The following IL1RAPL2 variants were observed in gnomAD, a reference collection of about 807,000 sequenced individuals.
The protein encoded by IL1RAPL2 is interleukin 1 receptor accessory protein like 2.
Under a neutral mutation model 44.1 loss-of-function variants are expected in IL1RAPL2, and 3 were observed. The ratio of observed to expected loss-of-function variants is 0.07; its 90% confidence interval spans 0.03 to 0.18. The LOEUF (loss-of-function observed/expected upper bound fraction) is 0.18. IL1RAPL2 is among the 10% of genes least tolerant of loss of function. The pLI is 1.00. For missense variants in IL1RAPL2, 391 were observed against 496.4 expected, an observed-to-expected ratio of 0.79 and a Z score of 2.02; for synonymous variants, 181 against 178.8, an observed-to-expected ratio of 1.01 and a Z score of -0.10.
chrX:104,782,646 C>T (rs1453952581), intron 2 of IL1RAPL2, among the ~76,000 whole-genome samples: 1 of 111,162 alleles, frequency 9.0e-6, no homozygotes, highest in East Asian at 2.8e-4. Context: ...TGTAAATATT[C>T]ATCAGCTCAG....
At chrX:105,299,063 G>A (rs2034675976) in intron 5 of IL1RAPL2, among the ~76,000 whole-genome samples, 1 of 111,684 alleles carries the variant, frequency 9.0e-6, no homozygotes, top group Non-Finnish European at 1.9e-5. Context: ...TGGAGAAATC[G>A]AGGAGTTAGC....
intron 2 of IL1RAPL2, among the ~76,000 whole-genome samples, chrX:105,188,996 G>GT (rs1157756196): frequency 8.9e-6 from 1 of 112,023 alleles, no homozygotes; most frequent in Non-Finnish European, 1.9e-5. Flanking sequence ...TGCCTGTGGA[G>GT]TGCCCATTTG....
intron 6 of IL1RAPL2, among the ~76,000 whole-genome samples, chrX:105,525,522 A>C (rs192949981): frequency 1.3e-4 from 15 of 111,534 alleles, no homozygotes; most frequent in African/African-American, 4.9e-4. Context: ...TAAGGTAATT[A>C]CAAATAACAT....
chrX:105,503,207 C>T (rs2036408206), intron 6 of IL1RAPL2, among the ~76,000 whole-genome samples: 1 of 111,303 alleles, frequency 9.0e-6, no homozygotes, highest in Non-Finnish European at 1.9e-5. Flanking sequence ...TCTCTAGGAA[C>T]ATTCTGGATC....
At chrX:105,285,592 A>T (rs1413219612) in intron 5 of IL1RAPL2, among the ~76,000 whole-genome samples, 4 of 111,523 alleles carry the variant, frequency 3.6e-5, no homozygotes, top group Non-Finnish European at 7.5e-5. Flanking sequence ...AGAAGCCTGG[A>T]GAGATTAATT....
intron 5 of IL1RAPL2, among the ~76,000 whole-genome samples, chrX:105,416,806 G>T (rs1410411145): frequency 1.8e-5 from 2 of 111,830 alleles, no homozygotes; most frequent in Admixed American, 9.5e-5. Flanking sequence ...AAAGAGACTT[G>T]CGGGGTTAAC....
chrX:104,889,544 C>G (rs1057448957), intron 2 of IL1RAPL2, among the ~76,000 whole-genome samples: 2 of 111,763 alleles, frequency 1.8e-5, no homozygotes, highest in Non-Finnish European at 3.8e-5. Context: ...CAGGCACCTG[C>G]ACCTTAGTCT....
At chrX:105,472,800 G>C (rs755912168) in intron 5 of IL1RAPL2, among the ~76,000 whole-genome samples, 1 of 112,036 alleles carries the variant, frequency 8.9e-6, no homozygotes, top group South Asian at 3.7e-4. Context: ...CTAAGAGCCA[G>C]GTCCTGACTT....
chrX:105,739,134 A>G (rs1268972384), intron 7 of IL1RAPL2, among the ~76,000 whole-genome samples: 1 of 110,918 alleles, frequency 9.0e-6, no homozygotes, highest in Non-Finnish European at 1.9e-5. Flanking sequence ...ACTACTGTCA[A>G]AACTCTAACC....
intron 2 of IL1RAPL2, among the ~76,000 whole-genome samples, chrX:104,815,068 T>C (rs1260056745): frequency 8.9e-6 from 1 of 112,220 alleles, no homozygotes; most frequent in Non-Finnish European, 1.9e-5. Context: ...TGTGCTTGTA[T>C]AACAAAGATG....
intron 2 of IL1RAPL2, among the ~76,000 whole-genome samples, chrX:105,101,020 G>C (rs758649285): frequency 5.3e-5 from 6 of 112,439 alleles, no homozygotes; most frequent in African/African-American, 1.6e-4. Context: ...TCACATAGAG[G>C]GGAACATTAC....
chrX:105,349,415 G>A (rs2035135813), intron 5 of IL1RAPL2, among the ~76,000 whole-genome samples: 1 of 111,650 alleles, frequency 9.0e-6, no homozygotes, highest in Non-Finnish European at 1.9e-5. Context: ...AATTTCTGGG[G>A]AATATCATGA....
intron 5 of IL1RAPL2, among the ~76,000 whole-genome samples, chrX:105,427,035 A>G (rs2035816030): frequency 8.9e-6 from 1 of 112,876 alleles, no homozygotes; most frequent in South Asian, 3.6e-4. Flanking sequence ...TTTGTTGTAA[A>G]TACACCACAC....
At position 105,417,035 on chromosome X, in the gene IL1RAPL2, A is replaced by G. The variant is rs554565600; in HGVS notation, c.698-67278A>G. Among the ~76,000 whole-genome samples, 9 of 112,265 alleles carry G rather than the reference A, an allele frequency of 8.0e-5. No homozygotes were observed. In the Admixed American group the frequency reaches 8.5e-4, roughly 11 times the overall value. On this transcript the variant is annotated intron_variant, in intron 5 of 10. Coordinates refer to ENST00000372582, the MANE Select transcript of IL1RAPL2 (RefSeq NM_017416.2). The stretch of plus-strand genomic sequence containing the variant: ...ACCTTTTCTCCTTTCTTCTGTAGTT[A>G]GTTCATTTCATTTGAAATAAAGCAT...
intron 5 of IL1RAPL2, among the ~76,000 whole-genome samples, chrX:105,339,924 A>T (rs2035057802): frequency 8.9e-6 from 1 of 112,159 alleles, no homozygotes; most frequent in Admixed American, 9.5e-5. Context: ...AAGCAGTAAT[A>T]AATGTGATTA....
chrX:104,604,321 A>T (rs758300633), intron 1 of IL1RAPL2, among the ~76,000 whole-genome samples: 24 of 111,766 alleles, frequency 2.1e-4, no homozygotes, highest in African/African-American at 7.5e-4. Context: ...AAACATGGAA[A>T]AGAACAACCA....
At chrX:105,615,188 G>A (rs1212968164) in intron 6 of IL1RAPL2, among the ~76,000 whole-genome samples, 1 of 111,485 alleles carries the variant, frequency 9.0e-6, no homozygotes, top group Non-Finnish European at 1.9e-5. Context: ...AACAAATGCT[G>A]GCGAGGACAC....
intron 5 of IL1RAPL2, among the ~76,000 whole-genome samples, chrX:105,390,270 C>G (rs766316594): frequency 2.1e-4 from 23 of 111,172 alleles, no homozygotes; most frequent in Non-Finnish European, 3.8e-4. Flanking sequence ...GCCTCAAATC[C>G]CACCATTCTC....
chrX:105,578,573 G>A (rs938654955), intron 6 of IL1RAPL2, among the ~76,000 whole-genome samples: 4 of 110,992 alleles, frequency 3.6e-5, no homozygotes, highest in Admixed American at 9.6e-5. Context: ...AAACCCTGAC[G>A]CAAGTGTTTT....
Sources: gnomAD v4.1 joint callset for allele counts (sites outside exome capture counted in the v4.1 genomes callset) on GRCh38, gnomAD v4.1.1 for gene constraint, MANE v1.5 for transcripts, NCBI Gene and HGNC (gene_info 2026-07-23, HGNC 2026-07-21) for gene names.